VRK2: variants seen among roughly 807,000 people sequenced by gnomAD.
VRK2 encodes VRK serine/threonine kinase 2.
Under a neutral mutation model 57.6 loss-of-function variants are expected in VRK2, and 60 were observed. The observed-to-expected ratio is 1.04, with a 90% CI of 0.85 to 1.29. The LOEUF (loss-of-function observed/expected upper bound fraction) is 1.29, where lower values mean the gene tolerates loss of function less well. Ranked by LOEUF, VRK2 falls within the 50% of genes most tolerant of loss-of-function variation. The pLI is 0.00. For missense variants in VRK2, 705 were observed against 588.1 expected (o/e 1.20, Z -2.06); for synonymous variants, 231 against 199.2 (o/e 1.16, Z -1.35).
At chr2:58,156,242 T>C (rs973275438) in intron 12 of VRK2, among the ~76,000 whole-genome samples, 20 of 152,284 alleles carry the variant, frequency 1.3e-4, no homozygotes, top group African/African-American at 4.6e-4. Flanking sequence ...TTTTTTCTGC[T>C]AAGAAGTTAG....
intron 1 of VRK2, among the ~76,000 whole-genome samples, chr2:57,999,234 T>C (rs544132527): frequency 1.3e-5 from 2 of 152,210 alleles, no homozygotes; most frequent in African/African-American, 4.8e-5. Context: ...TCAAATAGTA[T>C]TTCAGGCCAT....
chr2:58,046,632 T>A (rs1302952614), upstream of VRK2: 2 of 985,396 alleles, frequency 2.0e-6, no homozygotes, highest in East Asian at 1.1e-4. Flanking sequence ...CCCCTGGGCG[T>A]CTCCGGGGCG....
intron 10 of VRK2, among the ~76,000 whole-genome samples, chr2:58,137,192 A>ATCATATATCATATAT (rs1553422428): frequency 1.8e-5 from 1 of 55,102 alleles, no homozygotes; most frequent in African/African-American, 1.5e-4. Flanking sequence ...CATATATGAT[A>ATCATATATCATATAT]CATATATATC....
At chr2:58,044,260 A>G (rs939950084), upstream of VRK2, among the ~76,000 whole-genome samples, 3 of 152,202 alleles carry the variant, frequency 2.0e-5, no homozygotes, top group Admixed American at 6.5e-5. Flanking sequence ...CATTTTAACC[A>G]TCACATCAGA....
chr2:57,936,224 C>G (rs376834029), intron 1 of VRK2, among the ~76,000 whole-genome samples: 2 of 152,196 alleles, frequency 1.3e-5, no homozygotes, highest in Admixed American at 6.5e-5. Flanking sequence ...GTCCAGCTTA[C>G]TTGCAATTTA....
At chr2:58,148,494 T>C (rs1682498425) in intron 12 of VRK2, among the ~76,000 whole-genome samples, 1 of 151,852 alleles carries the variant, frequency 6.6e-6, no homozygotes, top group Non-Finnish European at 1.5e-5. Flanking sequence ...AGAAGCTTTT[T>C]ATATTATTTG....
At chr2:58,096,196 A>T (rs72951053) in intron 7 of VRK2, among the ~76,000 whole-genome samples, 2,893 of 152,060 alleles carry the variant, frequency 0.019, 105 homozygotes, top group African/African-American at 0.066. Flanking sequence ...TTATGATGTG[A>T]TTTCATATTG....
At chr2:58,048,422 C>A (rs1448662478) in intron 1 of VRK2, 1 of 576,296 alleles carries the variant, frequency 1.7e-6, no homozygotes, top group East Asian at 6.9e-5. Flanking sequence ...GACTGAAGAC[C>A]TTCTCACTTT....
intron 10 of VRK2, among the ~76,000 whole-genome samples, chr2:58,137,980 A>G (rs1680789196): frequency 6.6e-6 from 1 of 152,036 alleles, no homozygotes; most frequent in Admixed American, 6.6e-5. Flanking sequence ...TCCCCCTCCT[A>G]CCTCACTGGT....
At chr2:57,986,964 T>G (rs1415208634) in intron 1 of VRK2, among the ~76,000 whole-genome samples, 1 of 152,176 alleles carries the variant, frequency 6.6e-6, no homozygotes, top group East Asian at 1.9e-4. Flanking sequence ...AAGGATAATA[T>G]TTTTTAAAAA....
intron 1 of VRK2, chr2:58,047,413 G>C (rs777813896): frequency 1.6e-4 from 154 of 985,244 alleles, no homozygotes; most frequent in Non-Finnish European, 1.7e-4. Context: ...TGACAGGGAC[G>C]GGCCCTGAGA....
chr2:58,145,689 T>G (rs1682005226), intron 11 of VRK2, among the ~76,000 whole-genome samples: 1 of 147,524 alleles, frequency 6.8e-6, no homozygotes, highest in Non-Finnish European at 1.5e-5. Flanking sequence ...GTTTATTACA[T>G]ATGTATATAT....
At chr2:57,925,373 A>C (rs1670497062) in intron 1 of VRK2, among the ~76,000 whole-genome samples, 1 of 151,948 alleles carries the variant, frequency 6.6e-6, no homozygotes, top group Non-Finnish European at 1.5e-5. Context: ...CTTCAATTTA[A>C]TTACTTGTTC....
At chr2:57,914,936 A>C (rs1207704954) in intron 1 of VRK2, among the ~76,000 whole-genome samples, 1 of 152,112 alleles carries the variant, frequency 6.6e-6, no homozygotes, top group Non-Finnish European at 1.5e-5. Context: ...GGATTATAAA[A>C]TATTTGAAGC....
intron 1 of VRK2, among the ~76,000 whole-genome samples, chr2:57,924,954 C>T (rs188771061): frequency 6.6e-6 from 1 of 151,818 alleles, no homozygotes; most frequent in Non-Finnish European, 1.5e-5. Context: ...TTTTCAGCAT[C>T]GATTGAAATG....
intron 7 of VRK2, among the ~76,000 whole-genome samples, chr2:58,105,622 A>C (rs10198382): frequency 0.081 from 12,230 of 151,848 alleles, 531 homozygotes; most frequent in South Asian, 0.14. Flanking sequence ...CCTGCTTCAC[A>C]AACTGTTACA....
chr2:58,113,181 C>G (rs151097599), intron 7 of VRK2, among the ~76,000 whole-genome samples: 1 of 151,814 alleles, frequency 6.6e-6, no homozygotes, highest in Non-Finnish European at 1.5e-5. Flanking sequence ...TGGTGGCACA[C>G]GGCTGTAATC....
intron 1 of VRK2, among the ~76,000 whole-genome samples, chr2:57,953,767 A>T (rs73942253): frequency 6.6e-6 from 1 of 151,572 alleles, no homozygotes; most frequent in Non-Finnish European, 1.5e-5. Flanking sequence ...GAAGAGAGGG[A>T]AAAAAAAAGT....
At chr2:58,070,209 T>A (rs1266322350) in intron 2 of VRK2, among the ~76,000 whole-genome samples, 1 of 152,150 alleles carries the variant, frequency 6.6e-6, no homozygotes, top group Non-Finnish European at 1.5e-5. Flanking sequence ...TTGTATAATT[T>A]TTTTGTTGTT....
Sources: gnomAD v4.1 joint callset for allele counts (sites outside exome capture counted in the v4.1 genomes callset) on GRCh38, gnomAD v4.1.1 for gene constraint, MANE v1.5 for transcripts, NCBI Gene and HGNC (gene_info 2026-07-23, HGNC 2026-07-21) for gene names.